The following CSMD3 variants were observed in gnomAD, a reference collection of about 807,000 sequenced individuals.
CSMD3 encodes CUB and sushi domain-containing protein 3.
CSMD3 carries 177 observed loss-of-function variants against 435.2 expected under a neutral mutation model. That is an observed-to-expected ratio of 0.41 (90% CI 0.36 to 0.46). The LOEUF (loss-of-function observed/expected upper bound fraction) is 0.46, where lower values mean the gene tolerates loss of function less well. Ranked by LOEUF, CSMD3 falls within the 20% of genes least tolerant of loss-of-function variation. The probability of loss-of-function intolerance (pLI) is 0.34; values close to 1 mark genes in which losing one functional copy is unlikely to be tolerated. For missense variants in CSMD3, 4,265 were observed against 4,504.6 expected (o/e 0.95, Z 1.52); for synonymous variants, 1,656 against 1,520.5 (o/e 1.09, Z -2.07).
intron 6 of CSMD3, among the ~76,000 whole-genome samples, chr8:113,004,989 T>C (rs1348583364): frequency 6.6e-6 from 1 of 151,836 alleles, no homozygotes; most frequent in African/African-American, 2.4e-5. Context: ...TCATTATATA[T>C]ATACCAAATC....
intron 11 of CSMD3, among the ~76,000 whole-genome samples, chr8:112,846,128 C>G (rs931540285): frequency 6.6e-6 from 1 of 151,338 alleles, no homozygotes; most frequent in African/African-American, 2.4e-5. Flanking sequence ...TTATTTGATA[C>G]TTTTTTTGTT....
chr8:113,042,232 T>C (rs1185081437), intron 5 of CSMD3, among the ~76,000 whole-genome samples: 1 of 152,168 alleles, frequency 6.6e-6, no homozygotes, highest in African/African-American at 2.4e-5. Context: ...TGCACTCGTT[T>C]TGAAAGAATT....
chr8:112,340,833 C>T (rs1407410058), intron 42 of CSMD3, among the ~76,000 whole-genome samples: 1 of 151,974 alleles, frequency 6.6e-6, no homozygotes, highest in Admixed American at 6.6e-5. Context: ...TAATTAACTC[C>T]ATTATGCACA....
intron 13 of CSMD3, among the ~76,000 whole-genome samples, chr8:112,760,047 A>G (rs1462281292): frequency 6.6e-6 from 1 of 152,144 alleles, no homozygotes; most frequent in African/African-American, 2.4e-5. Flanking sequence ...ATAATAAACC[A>G]GGCCATGTGA....
At chr8:113,008,613 TTTA>T (rs2086144426) in intron 6 of CSMD3, among the ~76,000 whole-genome samples, 1 of 151,658 alleles carries the variant, frequency 6.6e-6, no homozygotes, top group African/African-American at 2.4e-5. Flanking sequence ...TACACACAAC[TTTA>T]TTGTTTTATA....
chr8:113,068,947 C>T (rs1352603748), intron 5 of CSMD3, among the ~76,000 whole-genome samples: 1 of 151,786 alleles, frequency 6.6e-6, no homozygotes, highest in Non-Finnish European at 1.5e-5. Context: ...TGATGTGAGT[C>T]TCACTATTTA....
intron 22 of CSMD3, among the ~76,000 whole-genome samples, chr8:112,600,975 A>G (rs1404044895): frequency 6.6e-6 from 1 of 151,956 alleles, no homozygotes; most frequent in Non-Finnish European, 1.5e-5. Flanking sequence ...GGTCCCCACG[A>G]TCCTTATATA....
At chr8:112,324,742 A>G (rs767544032) in intron 45 of CSMD3, among the ~76,000 whole-genome samples, 1 of 152,038 alleles carries the variant, frequency 6.6e-6, no homozygotes, top group Non-Finnish European at 1.5e-5. Flanking sequence ...GGAGGCCTTT[A>G]AAGAGATTTA....
At chr8:113,293,057 A>G (rs2093696967) in intron 2 of CSMD3, among the ~76,000 whole-genome samples, 1 of 151,882 alleles carries the variant, frequency 6.6e-6, no homozygotes, top group Admixed American at 6.6e-5. Context: ...CATTGCAACC[A>G]TGACACACCT....
intron 7 of CSMD3, among the ~76,000 whole-genome samples, chr8:112,971,063 CTT>C (rs1302238605): frequency 6.6e-6 from 1 of 152,132 alleles, no homozygotes. Flanking sequence ...GAGCAGCCCT[CTT>C]TGACTCATAT....
intron 22 of CSMD3, among the ~76,000 whole-genome samples, chr8:112,595,066 T>G (rs1563746269): frequency 6.6e-6 from 1 of 151,684 alleles, no homozygotes; most frequent in Non-Finnish European, 1.5e-5. Flanking sequence ...CAAATTACTC[T>G]GAGCTACGGG....
chr8:112,672,764 C>A (rs73342518), intron 16 of CSMD3, among the ~76,000 whole-genome samples: 2,647 of 152,090 alleles, frequency 0.017, 73 homozygotes, highest in African/African-American at 0.061. Flanking sequence ...GCCTGAAGAA[C>A]GTCTGTTATA....
At chr8:113,377,617 T>C (rs2094394244) in intron 1 of CSMD3, among the ~76,000 whole-genome samples, 1 of 152,186 alleles carries the variant, frequency 6.6e-6, no homozygotes, top group Non-Finnish European at 1.5e-5. Flanking sequence ...ACGGTATTTA[T>C]AAAACTTGCA....
At chr8:113,032,758 T>A (rs1330656222) in intron 5 of CSMD3, among the ~76,000 whole-genome samples, 2 of 151,254 alleles carry the variant, frequency 1.3e-5, no homozygotes, top group Non-Finnish European at 3.0e-5. Context: ...GCCAAGACAA[T>A]GGGGAAAATG....
chr8:113,077,326 C>CTAAAAAGT (rs1487129260), intron 5 of CSMD3, among the ~76,000 whole-genome samples: 1 of 151,548 alleles, frequency 6.6e-6, no homozygotes, highest in African/African-American at 2.4e-5. Context: ...TAAAAACACT[C>CTAAAAAGT]TAAAAAGTTA....
chr8:113,366,713 G>C (rs891297942), intron 1 of CSMD3, among the ~76,000 whole-genome samples: 1 of 151,966 alleles, frequency 6.6e-6, no homozygotes, highest in Non-Finnish European at 1.5e-5. Context: ...GACAAAATCA[G>C]TTTGCTCATT....
intron 13 of CSMD3, among the ~76,000 whole-genome samples, chr8:112,722,251 C>A (rs761153137): frequency 6.8e-6 from 1 of 148,110 alleles, no homozygotes. Flanking sequence ...AGAGACATAA[C>A]AAACAAATGC....
At chr8:112,770,575 G>A (rs986244483) in intron 13 of CSMD3, among the ~76,000 whole-genome samples, 2 of 151,934 alleles carry the variant, frequency 1.3e-5, no homozygotes, top group East Asian at 1.9e-4. Flanking sequence ...TTCATTGGGT[G>A]TTGCCTCATT....
intron 38 of CSMD3, among the ~76,000 whole-genome samples, chr8:112,371,393 G>A (rs774018650): frequency 9.2e-5 from 14 of 152,094 alleles, no homozygotes; most frequent in Non-Finnish European, 2.1e-4. Context: ...CAGCACATAA[G>A]GTCCTGAGAA....
Sources: allele counts gnomAD v4.1 joint callset (sites outside exome capture counted in the v4.1 genomes callset), GRCh38; gene constraint gnomAD v4.1.1; transcripts MANE v1.5; gene names NCBI Gene and HGNC (gene_info 2026-07-23, HGNC 2026-07-21).